The following VAPB variants were observed in gnomAD, a reference collection of about 807,000 sequenced individuals.
VAPB encodes vesicle-associated membrane protein-associated protein B/C.
Under a neutral mutation model 25.6 loss-of-function variants are expected in VAPB, and 7 were observed. That is an observed-to-expected ratio of 0.27 (90% CI 0.16 to 0.51). VAPB has a LOEUF of 0.51. Ranked by LOEUF, VAPB falls within the 20% of genes least tolerant of loss-of-function variation. VAPB has a pLI of 0.97. For missense variants in VAPB, 266 were observed against 301.3 expected (o/e 0.88, Z 0.87); for synonymous variants, 112 against 109.2 (o/e 1.03, Z -0.16).
Position 58,418,362 on chromosome 20 carries a change from T to C in VAPB, c.210T>C (p.Ser70=), listed in dbSNP as rs1407931167. 1.2e-6 allele frequency: 2 copies of C among 1,614,046 alleles called. No individual in the cohort carries two copies. Among genetic ancestry groups the C allele is most frequent in the South Asian group, 1.1e-5 (1 of 91,084 alleles). The change falls in exon 2 of 6, where the codon TCT becomes TCC. Residue 70 remains serine, a splice_region_variant and synonymous_variant. Coordinates refer to ENST00000475243, the MANE Select transcript of VAPB (RefSeq NM_004738.5). The part of the protein sequence containing the change: ...IIDAGASINV[S]VMLQPFDYDP... ...ATGCAGGGGCCTCAATTAATGTATC[T>C]GGTAAGTCCTGAGACTGGAGGCCTA...
Position 58,440,953 on chromosome 20 carries a change from CAGAAACACCAAT to C in VAPB, c.446_457del (p.Glu149_Ile152del). ...ATTATATCCACAACTGCATCAAAGA[CAGAAACACCAAT>C]AGTGTCTAAGTCTCTGAGTTCTTCT... On this transcript the variant is annotated inframe_deletion, in exon 5 of 6. Coordinates refer to ENST00000475243, the MANE Select transcript of VAPB (RefSeq NM_004738.5). 1 of 1,614,024 alleles carries C rather than the reference CAGAAACACCAAT, an allele frequency of 6.2e-7. No individual in the cohort carries two copies. Among genetic ancestry groups the C allele is most frequent in the South Asian group, 1.1e-5 (1 of 91,074 alleles).
At chr20:58,389,861 C>T (rs759303900) in intron 1 of VAPB, among the ~76,000 whole-genome samples, 1 of 152,212 alleles carries the variant, frequency 6.6e-6, no homozygotes, top group Non-Finnish European at 1.5e-5. Context: ...AAGTTTCTTC[C>T]CCTGCTCCGT....
At chr20:58,407,613 G>A (rs4239679) in intron 1 of VAPB, among the ~76,000 whole-genome samples, 90,479 of 151,684 alleles carry the variant, frequency 0.6, 27,389 homozygotes, top group African/African-American at 0.69. Context: ...ATAATTTATG[G>A]CATGTCTGTA....
At chr20:58,415,036 A>G (rs1215852999) in intron 1 of VAPB, among the ~76,000 whole-genome samples, 2 of 152,276 alleles carry the variant, frequency 1.3e-5, no homozygotes, top group East Asian at 1.9e-4. Flanking sequence ...CGGCCTGGCC[A>G]ACACAGCGAA....
At chr20:58,418,079 C>A in intron 1 of VAPB, 132 bp from the exon 2 acceptor site, 2 of 1,231,758 alleles carry the variant, frequency 1.6e-6, no homozygotes, top group Admixed American at 1.7e-5. Flanking sequence ...TCATCTCTTT[C>A]ATCCATTGGC....
At chr20:58,413,748 G>A (rs1455578239) in intron 1 of VAPB, among the ~76,000 whole-genome samples, 11 of 151,184 alleles carry the variant, frequency 7.3e-5, no homozygotes, top group Non-Finnish European at 1.0e-4. Flanking sequence ...GTCACCTCCC[G>A]GGTGGGGCCG....
chr20:58,449,184 T>A lies in VAPB; in HGVS notation c.*4949T>A. 2.2e-6 allele frequency: 1 copy of A among 454,106 alleles called. No homozygotes were observed. Among genetic ancestry groups the A allele is most frequent in the Middle Eastern group, 6.9e-4 (1 of 1,444 alleles). 28.1% of individuals were successfully genotyped at this position (454,106 alleles called of 1,614,324 possible). ...CAGACCTCTTCCTCCAGCCTCTGAA[T>A]CCCATTAGCCACAGCCTAGAACATT... On this transcript the variant is annotated 3_prime_UTR_variant, in exon 6 of 6. Transcript: ENST00000475243.
Position 58,450,990 on chromosome 20 carries a change from C to T in VAPB, c.*6755C>T. On this transcript the variant is annotated 3_prime_UTR_variant, in exon 6 of 6. Transcript: ENST00000475243. ...CCAAAAGAGCCATTTACAGCATGTT[C>T]TCCCATGTTCCATTATCAGCCTGAT... 2 of 453,832 alleles carry T rather than the reference C, an allele frequency of 4.4e-6. No individual in the cohort carries two copies. The highest frequency in any genetic ancestry group is 1.6e-5 in the South Asian group (1 of 64,404). 28.1% of individuals were successfully genotyped at this position (453,832 alleles called of 1,614,324 possible).
chr20:58,438,130 C>T (rs1233806126), intron 3 of VAPB, among the ~76,000 whole-genome samples: 1 of 152,050 alleles, frequency 6.6e-6, no homozygotes, highest in Non-Finnish European at 1.5e-5. Flanking sequence ...TAGACACAGC[C>T]CACACACTGC....
intron 1 of VAPB, among the ~76,000 whole-genome samples, chr20:58,404,360 G>T (rs2268921): frequency 0.59 from 89,536 of 151,928 alleles, 26,853 homozygotes; most frequent in African/African-American, 0.68. Flanking sequence ...CCCTTATAGC[G>T]TTATCACACT....
In VAPB at chr20:58,389,427, C is replaced by G. The variant is rs201547974; in HGVS notation, c.-33C>G. The G allele has an allele frequency of 8.8e-4, 1,391 of 1,574,292 alleles. 7 individuals are homozygous for G. The highest frequency in any genetic ancestry group is 8.7e-3 in the Middle Eastern group (47 of 5,408). ...CCCGCCCCGGTGACCTCTCAGGGGT[C>G]TCCCCGCCAAAGGTGCTCCGCCGCT... On this transcript the variant is annotated 5_prime_UTR_variant, in exon 1 of 6. Coordinates refer to ENST00000475243, the MANE Select transcript of VAPB (RefSeq NM_004738.5).
At chr20:58,405,050 G>A (rs1228661869) in intron 1 of VAPB, among the ~76,000 whole-genome samples, 1 of 151,980 alleles carries the variant, frequency 6.6e-6, no homozygotes, top group Non-Finnish European at 1.5e-5. Context: ...GGCAGTAGGT[G>A]ATAAATGGGA....
rs1321008478 is a variant in VAPB, at chr20:58,446,394, C to T, written c.*2159C>T. ...AGTGCTTAGGTGGTCCCCAACAGTG[C>T]CTAGGGGTACAGTACAGTCCCATTA... is the stretch of plus-strand genomic sequence containing the variant. On this transcript the variant is annotated 3_prime_UTR_variant, in exon 6 of 6. Coordinates refer to ENST00000475243, the MANE Select transcript of VAPB (RefSeq NM_004738.5). The T allele has an allele frequency of 2.4e-5, 11 of 453,972 alleles. No homozygotes were observed. In the Admixed American group the frequency reaches 2.6e-4, roughly 11 times the overall value. 28.1% of individuals were successfully genotyped at this position (453,972 alleles called of 1,614,324 possible).
At chr20:58,417,516 T>G (rs559499990) in intron 1 of VAPB, among the ~76,000 whole-genome samples, 1 of 152,360 alleles carries the variant, frequency 6.6e-6, no homozygotes, top group African/African-American at 2.4e-5. Flanking sequence ...AAAAAGTATC[T>G]TCAGGCCACT....
intron 2 of VAPB, among the ~76,000 whole-genome samples, chr20:58,425,829 C>T (rs1988771868): frequency 6.6e-6 from 1 of 152,172 alleles, no homozygotes; most frequent in South Asian, 2.1e-4. Flanking sequence ...TTCGTGGTGA[C>T]TCTGATACTC....
intron 1 of VAPB, among the ~76,000 whole-genome samples, chr20:58,392,360 A>G (rs1298686718): frequency 2.0e-5 from 3 of 152,250 alleles, no homozygotes; most frequent in Admixed American, 1.3e-4. Flanking sequence ...TGGATTGGCC[A>G]AAGTAATTAT....
intron 1 of VAPB, among the ~76,000 whole-genome samples, chr20:58,398,706 A>G (rs1325393697): frequency 6.6e-6 from 1 of 152,170 alleles, no homozygotes; most frequent in Admixed American, 6.5e-5. Context: ...TGCGCTTGCC[A>G]TTTTTCTAAG....
rs1989391888 is a variant in VAPB at position 58,449,778 on chromosome 20, G to A, written c.*5543G>A. On this transcript the variant is annotated 3_prime_UTR_variant, in exon 6 of 6. Coordinates refer to ENST00000475243, the MANE Select transcript of VAPB (RefSeq NM_004738.5). ...AGATGTAATCACTTGGCTAATGGAT[G>A]TGGGTGCAGGACAGATGCTCGCTTG... is the stretch of plus-strand genomic sequence containing the variant. 3 of 454,040 alleles carry A rather than the reference G, an allele frequency of 6.6e-6. No homozygotes were observed. Among genetic ancestry groups the A allele is most frequent in the South Asian group, 3.1e-5 (2 of 64,480 alleles). 28.1% of individuals were successfully genotyped at this position (454,040 alleles called of 1,614,324 possible). A position where few individuals can be genotyped will look rare whatever the true frequency, so the allele number is the denominator to read the frequency against.
intron 1 of VAPB, among the ~76,000 whole-genome samples, chr20:58,396,361 G>A (rs1987959452): frequency 6.6e-6 from 1 of 152,342 alleles, no homozygotes; most frequent in South Asian, 2.1e-4. Context: ...TGGCATTTCA[G>A]TAGGCTCCTT....
Sources: allele counts gnomAD v4.1 joint callset (sites outside exome capture counted in the v4.1 genomes callset), GRCh38; gene constraint gnomAD v4.1.1; transcripts MANE v1.5; gene names NCBI Gene and HGNC (gene_info 2026-07-23, HGNC 2026-07-21).